The following FHL1 variants were observed in gnomAD, a reference collection of about 807,000 sequenced individuals.
The protein encoded by FHL1 is four and a half LIM domains protein 1.
In FHL1, 1 loss-of-function variant was observed where a neutral mutation model predicts 20.3. The observed-to-expected ratio is 0.05, with a 90% CI of 0.02 to 0.23. The LOEUF (loss-of-function observed/expected upper bound fraction) is 0.23. Among genes scored for constraint, FHL1 ranks in the 10% least tolerant of loss-of-function variants. The probability of loss-of-function intolerance (pLI) is 1.00; values close to 1 mark genes in which losing one functional copy is unlikely to be tolerated. For synonymous variants in FHL1, 82 were observed against 88.9 expected (o/e 0.92, Z 0.44); for missense variants, 177 against 234.0 (o/e 0.76, Z 1.59).
At chrX:136,150,936 T>G (rs1326641278) in intron 1 of FHL1, among the ~76,000 whole-genome samples, 1 of 112,589 alleles carries the variant, frequency 8.9e-6, no homozygotes, top group Non-Finnish European at 1.9e-5. Flanking sequence ...ACTTAATGCA[T>G]CTCTGATGGC....
At chrX:136,153,287 G>GC (rs912078924) in intron 1 of FHL1, among the ~76,000 whole-genome samples, 3 of 103,464 alleles carry the variant, frequency 2.9e-5, no homozygotes, top group South Asian at 4.9e-4. Context: ...CGGGAGGTGG[G>GC]GGGGGGCAGG....
intron 1 of FHL1, among the ~76,000 whole-genome samples, chrX:136,204,052 AT>A (rs745672918): frequency 8.9e-6 from 1 of 112,614 alleles, no homozygotes; most frequent in East Asian, 2.8e-4. Flanking sequence ...AGAATGAGGG[AT>A]TTTCAAATAT....
intron 2 of FHL1, among the ~76,000 whole-genome samples, chrX:136,182,058 T>G (rs1435092486): frequency 8.9e-6 from 1 of 112,335 alleles, no homozygotes; most frequent in Non-Finnish European, 1.9e-5. Context: ...AGGAGCCTTA[T>G]TTTAAAAGTA....
At position 136,210,463 on chromosome X, in the gene FHL1, C is replaced by G. The variant is rs150448822; in HGVS notation, c.*438C>G. On this transcript the variant is annotated 3_prime_UTR_variant, in exon 6 of 6. Coordinates refer to ENST00000370683, the MANE Select transcript of FHL1 (RefSeq NM_001159699.2). ...CGGCTGCTCCAACTCACTGCTCACC[C>G]TCTTCTGTGAGCAGGAAAAGAACCC... is the stretch of plus-strand genomic sequence containing the variant. 3,932 of 391,260 alleles carry G rather than the reference C, an allele frequency of 0.01. 115 individuals are homozygous for G. The highest frequency in any genetic ancestry group is 0.083 in the African/African-American group (3,394 of 40,751). The allele number at this position is 391,260 out of a possible 1,213,427, so 32.2% of individuals were successfully genotyped here.
intron 2 of FHL1, 141 bp downstream of exon 2, chrX:136,206,729 C>A: frequency 1.2e-6 from 1 of 829,890 alleles, no homozygotes; most frequent in Non-Finnish European, 1.8e-6. Flanking sequence ...GCCTCCTCCA[C>A]TCCCCAGGCC....
intron 1 of FHL1, among the ~76,000 whole-genome samples, chrX:136,152,199 CATT>C (rs2072283594): frequency 8.9e-6 from 1 of 111,840 alleles, no homozygotes; most frequent in Non-Finnish European, 1.9e-5. Context: ...AATATATACT[CATT>C]GTCTAATTTG....
At chrX:136,156,282 C>T (rs2072414000) in intron 1 of FHL1, among the ~76,000 whole-genome samples, 1 of 106,786 alleles carries the variant, frequency 9.4e-6, no homozygotes. Flanking sequence ...TGTTCTATAG[C>T]CTTTTTTTTT....
In FHL1 at chrX:136,210,157, C is replaced by T; in HGVS notation, c.*132C>T. On this transcript the variant is annotated 3_prime_UTR_variant, in exon 6 of 6. Coordinates refer to ENST00000370683, the MANE Select transcript of FHL1 (RefSeq NM_001159699.2). ...TAAAGTTCTCCTTCCGTCTTTTCTC[C>T]CATTTTACAGTATTACTCAAATAAG... 1 of 969,963 alleles carries T rather than the reference C, an allele frequency of 1.0e-6. No homozygotes were observed. The highest frequency in any genetic ancestry group is 1.5e-6 in the Non-Finnish European group (1 of 682,614). The allele number at this position is 969,963 out of a possible 1,213,427, so 79.9% of individuals were successfully genotyped here.
Position 136,210,135 on chromosome X carries a change from A to G in FHL1, c.*110A>G, listed in dbSNP as rs776121604. On this transcript the variant is annotated 3_prime_UTR_variant, in exon 6 of 6. Coordinates refer to ENST00000370683, the MANE Select transcript of FHL1 (RefSeq NM_001159699.2). ...GAAGAGTGGTCCTTCCCTTCTTTAAAGTTCTCCTTCCGTCTTTTCTCCCAT... is the reference window on the plus strand; with the variant it reads ...GAAGAGTGGTCCTTCCCTTCTTTAAGGTTCTCCTTCCGTCTTTTCTCCCAT... 2 of 1,045,144 alleles carry G rather than the reference A, an allele frequency of 1.9e-6. No homozygotes were observed. Among genetic ancestry groups the G allele is most frequent in the African/African-American group, 3.7e-5 (2 of 53,754 alleles). The allele number at this position is 1,045,144 out of a possible 1,213,427, so 86.1% of individuals were successfully genotyped here.
chrX:136,149,000 A>G (rs1210968454), intron 1 of FHL1, among the ~76,000 whole-genome samples: 1 of 112,518 alleles, frequency 8.9e-6, no homozygotes, highest in Non-Finnish European at 1.9e-5. Context: ...TTGGGTTTGG[A>G]ATAGATCCAG....
At chrX:136,172,952 C>T (rs1198355886) in intron 2 of FHL1, among the ~76,000 whole-genome samples, 1 of 112,196 alleles carries the variant, frequency 8.9e-6, no homozygotes, top group Admixed American at 9.4e-5. Context: ...AGGCTGGTCT[C>T]GAACTCCTTA....
chrX:136,186,203 T>A (rs2073282694), intron 2 of FHL1, among the ~76,000 whole-genome samples: 1 of 111,405 alleles, frequency 9.0e-6, no homozygotes, highest in Non-Finnish European at 1.9e-5. Context: ...AGTTTACTGT[T>A]TTTTAGTTCA....
At chrX:136,150,655 A>G (rs1426188059) in intron 1 of FHL1, among the ~76,000 whole-genome samples, 1 of 112,116 alleles carries the variant, frequency 8.9e-6, no homozygotes, top group African/African-American at 3.2e-5. Flanking sequence ...AGCAGAATAT[A>G]TGACTTTTCG....
intron 1 of FHL1, among the ~76,000 whole-genome samples, chrX:136,157,311 C>T (rs913156431): frequency 9.0e-6 from 1 of 111,173 alleles, no homozygotes; most frequent in Non-Finnish European, 1.9e-5. Context: ...GAAGGTCTGC[C>T]TCTTGTAAGG....
chrX:136,180,752 A>AT (rs1271884975), intron 2 of FHL1, among the ~76,000 whole-genome samples: 1 of 106,204 alleles, frequency 9.4e-6, no homozygotes, highest in East Asian at 2.9e-4. Flanking sequence ...TTTATTTATT[A>AT]TTTTTTTGAG....
rs577971647 is a variant in FHL1 at position 136,150,988 on chromosome X, A to G, written c.-101+3360A>G. 1.6e-4 allele frequency among the ~76,000 whole-genome samples: 18 copies of G among 112,484 alleles called. No homozygotes were observed. In the South Asian group the frequency reaches 6.3e-3, roughly 39 times the overall value. On this transcript the variant is annotated intron_variant, in intron 1 of 7. Coordinates refer to the FHL1 transcript ENST00000394155. ...AAATATTTTTCTGGGGTCAACTTTGAATTATGGATAGTAATGGATGATGGA... is the reference window on the plus strand; with the variant it reads ...AAATATTTTTCTGGGGTCAACTTTGGATTATGGATAGTAATGGATGATGGA...
Position 136,163,306 on chromosome X carries a change from T to C in FHL1, c.-100-6601T>C, listed in dbSNP as rs762821787. Among the ~76,000 whole-genome samples, 10 of 112,579 alleles carry C rather than the reference T, an allele frequency of 8.9e-5. No homozygotes were observed. In the South Asian group the frequency reaches 3.7e-3, roughly 41 times the overall value. ...ATGAACCAAGACTTCTGTCATTCTC[T>C]AGCTGCAATGAACGTCAGATGCAGG... is the stretch of plus-strand genomic sequence containing the variant. On this transcript the variant is annotated intron_variant, in intron 1 of 7. Transcript: ENST00000394155.
At chrX:136,165,299 C>T (rs970684031), upstream of FHL1, among the ~76,000 whole-genome samples, 1 of 111,645 alleles carries the variant, frequency 9.0e-6, no homozygotes, top group Non-Finnish European at 1.9e-5. Context: ...ATTATTTTGC[C>T]GAATGAGAGC....
upstream of FHL1, among the ~76,000 whole-genome samples, chrX:136,193,474 C>A (rs774884074): frequency 3.6e-5 from 4 of 111,907 alleles, no homozygotes; most frequent in East Asian, 1.1e-3. Flanking sequence ...CTCTCTCGCT[C>A]CTTGATAACT....
Sources: gnomAD v4.1 joint callset for allele counts (sites outside exome capture counted in the v4.1 genomes callset) on GRCh38, gnomAD v4.1.1 for gene constraint, MANE v1.5 for transcripts, NCBI Gene and HGNC (gene_info 2026-07-23, HGNC 2026-07-21) for gene names.